NTRK2: variants seen among roughly 807,000 people sequenced by gnomAD.
The protein encoded by NTRK2 is neurotrophic receptor tyrosine kinase 2, also known as BDNF/NT-3 growth factors receptor.
NTRK2 carries 13 observed loss-of-function variants against 94.5 expected under a neutral mutation model. The observed-to-expected ratio is 0.14, with a 90% CI of 0.09 to 0.22. The LOEUF is 0.22. Ranked by LOEUF, NTRK2 falls within the 10% of genes least tolerant of loss-of-function variation. The pLI is 1.00. For missense variants in NTRK2, 639 were observed against 1,071.2 expected (o/e 0.60, Z 5.63); for synonymous variants, 372 against 407.4 (o/e 0.91, Z 1.05).
intron 14 of NTRK2, among the ~76,000 whole-genome samples, chr9:84,904,992 A>G (rs1414973233): frequency 2.0e-5 from 3 of 152,228 alleles, no homozygotes; most frequent in African/African-American, 7.2e-5. Context: ...AGGAGAAAAG[A>G]AAAATGAATA....
chr9:84,907,692 T>C (rs1421176006), intron 14 of NTRK2, among the ~76,000 whole-genome samples: 2 of 151,396 alleles, frequency 1.3e-5, no homozygotes, highest in African/African-American at 4.8e-5. Flanking sequence ...CTTCTTCTTT[T>C]TTTTTTTTTT....
intron 17 of NTRK2, among the ~76,000 whole-genome samples, chr9:85,003,091 T>C (rs1830501744): frequency 6.6e-6 from 1 of 152,176 alleles, no homozygotes; most frequent in South Asian, 2.1e-4. Flanking sequence ...TAGTGTTTAT[T>C]GTCCTATGGT....
intron 14 of NTRK2, among the ~76,000 whole-genome samples, chr9:84,910,803 G>C (rs1200975003): frequency 6.6e-6 from 1 of 152,158 alleles, no homozygotes. Context: ...TTAAAATCAG[G>C]TGCGTAAGTT....
At chr9:84,981,369 T>C (rs927670589) in intron 17 of NTRK2, among the ~76,000 whole-genome samples, 2 of 152,172 alleles carry the variant, frequency 1.3e-5, no homozygotes, top group East Asian at 3.9e-4. Flanking sequence ...CCCAAAGTGC[T>C]GGGATTACAG....
In NTRK2 at chr9:84,984,781, G is replaced by A. The variant is rs553583408; in HGVS notation, c.2172+29264G>A. On this transcript the variant is annotated intron_variant, in intron 17 of 18. Coordinates refer to ENST00000277120, the MANE Select transcript of NTRK2 (RefSeq NM_006180.6). ...ATTGGGAGTACAGAGCCGTAGGTTC[G>A]TGTCTTATCTTTGCCGCTAATGTAC... Among the ~76,000 whole-genome samples, 9 of 152,320 alleles carry A rather than the reference G, an allele frequency of 5.9e-5. No homozygotes were observed. The East Asian group carries it at 1.4e-3, about 23-fold the overall frequency.
intron 17 of NTRK2, among the ~76,000 whole-genome samples, chr9:85,000,742 G>A (rs992266336): frequency 2.0e-5 from 3 of 152,128 alleles, no homozygotes; most frequent in African/African-American, 4.8e-5. Context: ...AGGTTTCTGT[G>A]GACATAAGTT....
intron 14 of NTRK2, among the ~76,000 whole-genome samples, chr9:84,913,935 G>C (rs2077319255): frequency 6.6e-6 from 1 of 151,524 alleles, no homozygotes; most frequent in African/African-American, 2.4e-5. Flanking sequence ...TAAATATTAA[G>C]AGCTTTTGTT....
At chr9:84,696,809 C>A (rs1310332768) in intron 2 of NTRK2, among the ~76,000 whole-genome samples, 2 of 151,962 alleles carry the variant, frequency 1.3e-5, no homozygotes, top group Non-Finnish European at 2.9e-5. Flanking sequence ...CGTGGAGGGT[C>A]CTGGGATAGA....
chr9:84,999,197 CT>C (rs1403179713), intron 17 of NTRK2, among the ~76,000 whole-genome samples: 1 of 68,784 alleles, frequency 1.5e-5, no homozygotes, highest in Non-Finnish European at 3.1e-5. Context: ...ACTGAACGTA[CT>C]TTTGGTGGCC....
chr9:84,841,256 C>T (rs1486670148), intron 12 of NTRK2, among the ~76,000 whole-genome samples: 1 of 152,206 alleles, frequency 6.6e-6, no homozygotes, highest in Admixed American at 6.5e-5. Context: ...GAGCATCTTA[C>T]ACTTGGCATG....
At chr9:84,750,031 G>T (rs2064445201) in intron 11 of NTRK2, among the ~76,000 whole-genome samples, 3 of 152,190 alleles carry the variant, frequency 2.0e-5, no homozygotes, top group South Asian at 4.1e-4. Flanking sequence ...ATTTTTAAAG[G>T]TTAGCCTTTT....
intron 2 of NTRK2, among the ~76,000 whole-genome samples, chr9:84,689,643 G>T (rs2059925825): frequency 6.6e-6 from 1 of 151,832 alleles, no homozygotes; most frequent in Admixed American, 6.6e-5. Context: ...CATAAAGTTT[G>T]CCATTTTAAC....
intron 12 of NTRK2, among the ~76,000 whole-genome samples, chr9:84,783,845 G>A (rs982224616): frequency 6.6e-6 from 1 of 152,198 alleles, no homozygotes; most frequent in Admixed American, 6.5e-5. Context: ...GGGGGCTAGG[G>A]AGTTGACAGT....
chr9:84,894,738 A>G (rs1022926411), intron 14 of NTRK2, among the ~76,000 whole-genome samples: 5 of 152,254 alleles, frequency 3.3e-5, no homozygotes, highest in Non-Finnish European at 4.4e-5. Context: ...TGCCATATGC[A>G]TCTCTAAACA....
chr9:84,786,839 GCA>G (rs2068162088), intron 12 of NTRK2, among the ~76,000 whole-genome samples: 1 of 152,086 alleles, frequency 6.6e-6, no homozygotes, highest in African/African-American at 2.4e-5. Flanking sequence ...AAAGAATTTT[GCA>G]TGAGTGATCC....
At chr9:84,757,025 A>G (rs377346218) in intron 12 of NTRK2, among the ~76,000 whole-genome samples, 16 of 152,352 alleles carry the variant, frequency 1.1e-4, no homozygotes, top group African/African-American at 3.8e-4. Flanking sequence ...ATTCTGGGAA[A>G]TTTAAGAGGT....
At chr9:84,931,693 G>T (rs990073012) in intron 14 of NTRK2, among the ~76,000 whole-genome samples, 3 of 105,416 alleles carry the variant, frequency 2.8e-5, no homozygotes, top group Non-Finnish European at 5.8e-5. Context: ...ACTGCGAAAA[G>T]AAAGAAGGTA....
chr9:85,026,410 A>G lies in NTRK2; in HGVS notation c.*4973A>G, dbSNP rs1833036650. The G allele has an allele frequency of 4.3e-6, 1 of 232,094 alleles. No homozygotes were observed. Among genetic ancestry groups the G allele is most frequent in the East Asian group, 6.1e-5 (1 of 16,382 alleles). The allele number at this position is 232,094 out of a possible 1,614,324, so 14.4% of individuals were successfully genotyped here. On this transcript the variant is annotated 3_prime_UTR_variant, in exon 19 of 19. Transcript: ENST00000277120. ...AGCATCATAAAAGCTGCTAGTAGCC[A>G]TGTGTTTGAACAGGAAAAATATTAC...
intron 14 of NTRK2, among the ~76,000 whole-genome samples, chr9:84,921,039 CA>C (rs764499790): frequency 2.6e-5 from 4 of 152,092 alleles, no homozygotes; most frequent in Admixed American, 6.5e-5. Flanking sequence ...TTTTATCACC[CA>C]GAGTAAGTAG....
Sources: allele counts gnomAD v4.1 joint callset (sites outside exome capture counted in the v4.1 genomes callset), GRCh38; gene constraint gnomAD v4.1.1; transcripts MANE v1.5; gene names NCBI Gene and HGNC (gene_info 2026-07-23, HGNC 2026-07-21).